The following PTPRJ variants were observed in gnomAD, a reference collection of about 807,000 sequenced individuals.
PTPRJ encodes the protein receptor-type tyrosine-protein phosphatase eta.
PTPRJ carries 129 observed loss-of-function variants against 141.3 expected under a neutral mutation model. That is an observed-to-expected ratio of 0.91 (90% confidence interval 0.79 to 1.06). The LOEUF (loss-of-function observed/expected upper bound fraction) is 1.06, where lower values mean the gene tolerates loss of function less well. Among genes scored for constraint, PTPRJ ranks in the 50% least tolerant of loss-of-function variants. The probability of loss-of-function intolerance (pLI) is 0.00; values close to 1 mark genes in which losing one functional copy is unlikely to be tolerated. For missense variants in PTPRJ, 1,601 were observed against 1,679.7 expected, an observed-to-expected ratio of 0.95 and a Z score of 0.82; for synonymous variants, 610 against 640.5, an observed-to-expected ratio of 0.95 and a Z score of 0.72.
intron 1 of PTPRJ, among the ~76,000 whole-genome samples, chr11:47,982,692 AT>A (rs1853942648): frequency 6.6e-6 from 1 of 151,094 alleles, no homozygotes; most frequent in Admixed American, 6.6e-5. Context: ...AATTATATAT[AT>A]ATAAAATTTA....
At chr11:48,123,508 T>G (rs1013394217) in intron 4 of PTPRJ, 105 bp from the exon 5 acceptor site, 2 of 1,233,730 alleles carry the variant, frequency 1.6e-6, no homozygotes, top group African/African-American at 1.5e-5. Context: ...TCATTCTTTC[T>G]TTTTTTCTTT....
intron 1 of PTPRJ, among the ~76,000 whole-genome samples, chr11:48,058,652 GTC>G (rs1565281475): frequency 6.6e-6 from 1 of 152,096 alleles, no homozygotes; most frequent in Non-Finnish European, 1.5e-5. Context: ...AGCCACCATC[GTC>G]TCTCACCTGG....
intron 2 of PTPRJ, among the ~76,000 whole-genome samples, chr11:48,112,152 G>A (rs545058258): frequency 1.3e-5 from 2 of 152,288 alleles, no homozygotes; most frequent in African/African-American, 2.4e-5. Flanking sequence ...AGGGCAGAAG[G>A]TTGTGCTCCA....
At chr11:48,066,939 G>C (rs1855102020) in intron 1 of PTPRJ, among the ~76,000 whole-genome samples, 1 of 152,140 alleles carries the variant, frequency 6.6e-6, no homozygotes, top group African/African-American at 2.4e-5. Flanking sequence ...ACACCTTCCA[G>C]GGTCACAATT....
chr11:48,077,379 A>T (rs1330658392), intron 1 of PTPRJ, among the ~76,000 whole-genome samples: 1 of 152,112 alleles, frequency 6.6e-6, no homozygotes, highest in Non-Finnish European at 1.5e-5. Flanking sequence ...GAAAGAGAAG[A>T]CAGGGAGATT....
chr11:47,990,921 C>T (rs1177846880), intron 1 of PTPRJ, among the ~76,000 whole-genome samples: 5 of 151,828 alleles, frequency 3.3e-5, no homozygotes, highest in East Asian at 1.9e-4. Flanking sequence ...CCTCATGATC[C>T]GCCCGCCTCA....
rs1216630483 is a variant in PTPRJ at position 48,033,524 on chromosome 11, T to C, written c.96+52516T>C. 3.3e-5 allele frequency among the ~76,000 whole-genome samples: 5 copies of C among 152,196 alleles called. No homozygotes were observed. In the South Asian group the frequency reaches 1.0e-3, roughly 32 times the overall value. ...CGGATGTTCCTGGGATACAAGTACC[T>C]GTTCATCTTGTTGACATCTAATCTG... On this transcript the variant is annotated intron_variant, in intron 1 of 24. Transcript: ENST00000418331.
intron 1 of PTPRJ, among the ~76,000 whole-genome samples, chr11:48,049,711 TCTC>T (rs1369957484): frequency 7.3e-6 from 1 of 136,144 alleles, no homozygotes. Context: ...TGAAACTCTG[TCTC>T]AAAAAAAAAA....
Position 48,121,232 on chromosome 11 carries a change from T to A in PTPRJ, c.582T>A (p.Thr194=). ...FSITPGIGNE[T]WGDPRVIKVI... is the part of the protein sequence containing the mutation. ...TCACTCCAGGAATAGGCAATGAGAC[T>A]TGGGGAGATCCCAGAGTCATAAAAG... is the stretch of plus-strand genomic sequence containing the variant. Residue 194 remains threonine (T), a synonymous_variant, in exon 4 of 25, where the codon ACT becomes ACA. Coordinates refer to ENST00000418331, the MANE Select transcript of PTPRJ (RefSeq NM_002843.4). The A allele has an allele frequency of 6.2e-7, 1 of 1,614,158 alleles. No individual in the cohort carries two copies. The highest frequency in any genetic ancestry group is 1.1e-5 in the South Asian group (1 of 91,088).
intron 1 of PTPRJ, among the ~76,000 whole-genome samples, chr11:48,065,004 CTTTTTTTTTTTT>C (rs61139660): frequency 7.7e-5 from 9 of 117,194 alleles, no homozygotes; most frequent in East Asian, 2.2e-4. Flanking sequence ...CCTCAACTAC[CTTTTTTTTTTTT>C]TTTTTTTTTT....
At chr11:48,009,285 G>T (rs569342827) in intron 1 of PTPRJ, among the ~76,000 whole-genome samples, 148 of 152,298 alleles carry the variant, frequency 9.7e-4, no homozygotes, top group African/African-American at 3.3e-3. Flanking sequence ...GAGCTTCAAA[G>T]TAAAGTATAA....
At chr11:48,078,331 T>TA (rs571611997) in intron 1 of PTPRJ, among the ~76,000 whole-genome samples, 170 of 152,238 alleles carry the variant, frequency 1.1e-3, no homozygotes, top group Middle Eastern at 3.4e-3. Context: ...GGGCTGAGAT[T>TA]ACAGGCATGA....
intron 1 of PTPRJ, among the ~76,000 whole-genome samples, chr11:48,069,227 G>C (rs1432152488): frequency 1.3e-5 from 2 of 151,616 alleles, no homozygotes; most frequent in Non-Finnish European, 2.9e-5. Flanking sequence ...AGCCTCCCGA[G>C]TAGCTGGGAT....
chr11:48,162,785 A>G (rs1387336009), intron 22 of PTPRJ, among the ~76,000 whole-genome samples: 4 of 152,124 alleles, frequency 2.6e-5, no homozygotes, highest in East Asian at 1.9e-4. Flanking sequence ...TGGTGCTTCA[A>G]GGTATATGCT....
chr11:48,137,836 C>T (rs924891298), intron 10 of PTPRJ, among the ~76,000 whole-genome samples: 2 of 152,164 alleles, frequency 1.3e-5, no homozygotes, highest in East Asian at 3.8e-4. Context: ...GTCTTTTGTG[C>T]TGGAGAAGAT....
At position 48,062,295 on chromosome 11, in the gene PTPRJ, T is replaced by G. The variant is rs559968146; in HGVS notation, c.97-47763T>G. 4.6e-5 allele frequency among the ~76,000 whole-genome samples: 7 copies of G among 151,934 alleles called. No individual in the cohort carries two copies. In the East Asian group the frequency reaches 1.2e-3, roughly 26 times the overall value. On this transcript the variant is annotated intron_variant, in intron 1 of 24. Coordinates refer to ENST00000418331, the MANE Select transcript of PTPRJ (RefSeq NM_002843.4). ...TTGGGAGGCCGAGGCGGGCGGATCA[T>G]GAGGTCAGGAGATCGAGACCATCCT...
intron 1 of PTPRJ, among the ~76,000 whole-genome samples, chr11:47,989,040 A>C (rs1412052900): frequency 1.4e-5 from 2 of 146,800 alleles, no homozygotes; most frequent in East Asian, 2.1e-4. Context: ...CCCGCCACCA[A>C]GCCCAGCTAA....
At chr11:48,039,604 T>TC (rs896265002) in intron 1 of PTPRJ, among the ~76,000 whole-genome samples, 1 of 152,066 alleles carries the variant, frequency 6.6e-6, no homozygotes, top group African/African-American at 2.4e-5. Flanking sequence ...CCTACTCCTT[T>TC]CCTGTCTCTT....
In PTPRJ at chr11:48,128,021, G is replaced by C; in HGVS notation, c.1335G>C (p.Pro445=). 6.2e-7 allele frequency: 1 copy of C among 1,613,266 alleles called. No individual in the cohort carries two copies. Among genetic ancestry groups the C allele is most frequent in the Non-Finnish European group, 8.5e-7 (1 of 1,179,322 alleles). ...TCCTAGGTGACATCGAGGGCACGCCGGGCTTCCTCCAAGTGCACACCCGTG... is the reference window on the plus strand; with the variant it reads ...TCCTAGGTGACATCGAGGGCACGCCCGGCTTCCTCCAAGTGCACACCCGTG... ...CPVLGDIEGT[P]GFLQVHTPPV... Residue 445 remains proline, a synonymous_variant, in exon 7 of 25, where the codon CCG becomes CCC. Coordinates refer to ENST00000418331, the MANE Select transcript of PTPRJ (RefSeq NM_002843.4).
Sources: allele counts gnomAD v4.1 joint callset (sites outside exome capture counted in the v4.1 genomes callset), GRCh38; gene constraint gnomAD v4.1.1; transcripts MANE v1.5; gene names NCBI Gene and HGNC (gene_info 2026-07-23, HGNC 2026-07-21).